Variants in EXOC6B observed in about 807,000 individuals in gnomAD.
EXOC6B encodes the protein SEC15 homolog B.
Under a neutral mutation model 113.5 loss-of-function variants are expected in EXOC6B, and 54 were observed. The observed-to-expected ratio is 0.48, with a 90% CI of 0.38 to 0.60. The LOEUF is 0.60. Among genes scored for constraint, EXOC6B ranks in the 20% least tolerant of loss-of-function variants. The probability of loss-of-function intolerance (pLI) is 0.00; values close to 1 mark genes in which losing one functional copy is unlikely to be tolerated. For synonymous variants in EXOC6B, 357 were observed against 339.0 expected (o/e 1.05, Z -0.58); for missense variants, 797 against 977.5 (o/e 0.82, Z 2.46).
intron 6 of EXOC6B, among the ~76,000 whole-genome samples, chr2:72,671,697 A>AAAAAAG (rs1000556585): frequency 6.6e-6 from 1 of 151,282 alleles, no homozygotes; most frequent in South Asian, 2.1e-4. Context: ...AAACTCCGTC[A>AAAAAAG]AAAAAGAAAA....
chr2:72,445,465 T>C (rs1021567113), intron 18 of EXOC6B, among the ~76,000 whole-genome samples: 2 of 152,128 alleles, frequency 1.3e-5, no homozygotes, highest in Admixed American at 1.3e-4. Context: ...ATTTACTGTA[T>C]TGGTCTTTTT....
rs1007442529 is a variant in EXOC6B at position 72,459,145 on chromosome 2, A to G, written c.1980+6015T>C. ...ATAGAGGCAGAAAAGGCCTTTGACA[A>G]AATTCAACAACCTTCATGCTAAAAA... On this transcript the variant is annotated intron_variant, in intron 18 of 21. Transcript: ENST00000272427. Among the ~76,000 whole-genome samples the G allele has an allele frequency of 1.2e-4, 18 of 152,310 alleles. 1 individual carries two copies. Among genetic ancestry groups the G allele is most frequent in the African/African-American group, 3.8e-4 (16 of 41,572 alleles).
chr2:72,521,303 C>G (rs1384852796), intron 8 of EXOC6B, among the ~76,000 whole-genome samples: 1 of 152,160 alleles, frequency 6.6e-6, no homozygotes, highest in Non-Finnish European at 1.5e-5. Context: ...TGATCTTGGA[C>G]TTCTCAGCCT....
rs186438572 is a variant in EXOC6B at position 72,719,197 on chromosome 2, G to C, written c.465-890C>G. ...TCATGAAAACCAGCAGCTTTCCTGA[G>C]ATGAGGGGCTGACACAATTTGGAGC... On this transcript the variant is annotated intron_variant, in intron 5 of 21. Transcript: ENST00000272427. 1.5e-3 allele frequency among the ~76,000 whole-genome samples: 229 copies of C among 152,252 alleles called. 4 individuals carry two copies. The highest frequency in any genetic ancestry group is 4.0e-4 in the Non-Finnish European group (27 of 68,028).
intron 11 of EXOC6B, among the ~76,000 whole-genome samples, chr2:72,510,904 A>G (rs1700859949): frequency 6.6e-6 from 1 of 152,074 alleles, no homozygotes; most frequent in South Asian, 2.1e-4. Flanking sequence ...GTGGTTGTAA[A>G]CATATAAATG....
chr2:72,800,675 G>A (rs1685225692), intron 1 of EXOC6B, among the ~76,000 whole-genome samples: 1 of 152,086 alleles, frequency 6.6e-6, no homozygotes. Flanking sequence ...ACTCACCCAA[G>A]GTCACACAGT....
chr2:72,782,026 G>A (rs558102090), intron 1 of EXOC6B, among the ~76,000 whole-genome samples: 225 of 151,424 alleles, frequency 1.5e-3, no homozygotes, highest in African/African-American at 5.3e-3. Context: ...TGTAATCCCA[G>A]CTACTCAAGA....
At chr2:72,658,286 T>TAAAAAAAAAA (rs60572283) in intron 6 of EXOC6B, among the ~76,000 whole-genome samples, 4 of 58,726 alleles carry the variant, frequency 6.8e-5, no homozygotes, top group Non-Finnish European at 1.3e-4. Context: ...TAAAAACTAG[T>TAAAAAAAAAA]AAAAAAAAAA....
chr2:72,369,006 T>C (rs1424212348), intron 19 of EXOC6B, among the ~76,000 whole-genome samples: 1 of 152,186 alleles, frequency 6.6e-6, no homozygotes, highest in Non-Finnish European at 1.5e-5. Flanking sequence ...TGTTGGAAGT[T>C]CTGGCCAGGG....
intron 19 of EXOC6B, among the ~76,000 whole-genome samples, chr2:72,354,828 G>A (rs773393203): frequency 1.3e-5 from 2 of 152,204 alleles, no homozygotes; most frequent in Non-Finnish European, 2.9e-5. Flanking sequence ...AGCCTTGTAG[G>A]CATGGTCAGA....
intron 8 of EXOC6B, among the ~76,000 whole-genome samples, chr2:72,539,233 C>G (rs571241458): frequency 1.3e-5 from 2 of 152,284 alleles, no homozygotes; most frequent in East Asian, 3.9e-4. Context: ...ATCTAACATA[C>G]TTCTTCTGCC....
chr2:72,428,790 T>A (rs1695358312), intron 18 of EXOC6B, among the ~76,000 whole-genome samples: 1 of 152,298 alleles, frequency 6.6e-6, no homozygotes, highest in East Asian at 1.9e-4. Context: ...GGAGCCAAGG[T>A]CACTGCTATT....
At chr2:72,191,364 A>T (rs548557940) in intron 20 of EXOC6B, among the ~76,000 whole-genome samples, 1 of 152,176 alleles carries the variant, frequency 6.6e-6, no homozygotes, top group African/African-American at 2.4e-5. Flanking sequence ...TTCTGATTTC[A>T]TGGAGGGTGG....
At chr2:72,301,829 T>C (rs1686552108) in intron 20 of EXOC6B, among the ~76,000 whole-genome samples, 1 of 152,218 alleles carries the variant, frequency 6.6e-6, no homozygotes, top group African/African-American at 2.4e-5. Flanking sequence ...TTTTTGTGTC[T>C]TGATTTCCTT....
At chr2:72,445,036 T>A (rs1696477388) in intron 18 of EXOC6B, among the ~76,000 whole-genome samples, 1 of 152,212 alleles carries the variant, frequency 6.6e-6, no homozygotes, top group Non-Finnish European at 1.5e-5. Flanking sequence ...ATGCTCTGTA[T>A]CCCTTTTAAA....
chr2:72,362,638 G>A (rs565372978), intron 19 of EXOC6B, among the ~76,000 whole-genome samples: 52 of 152,186 alleles, frequency 3.4e-4, no homozygotes, highest in African/African-American at 1.1e-3. Flanking sequence ...CTCGTGGCTT[G>A]AATTATCATA....
intron 6 of EXOC6B, among the ~76,000 whole-genome samples, chr2:72,584,475 A>C (rs1346857364): frequency 6.6e-6 from 1 of 152,250 alleles, no homozygotes; most frequent in Admixed American, 6.5e-5. Flanking sequence ...TATCGTAAAT[A>C]TGTATGCACC....
At chr2:72,407,931 G>A (rs1420256352) in intron 18 of EXOC6B, among the ~76,000 whole-genome samples, 4 of 152,292 alleles carry the variant, frequency 2.6e-5, no homozygotes, top group South Asian at 2.1e-4. Flanking sequence ...AATTGTCCCT[G>A]TTTGCAGATG....
Position 72,490,492 on chromosome 2 carries a change from A to G in EXOC6B, c.1665+1826T>C, listed in dbSNP as rs559204190. Among the ~76,000 whole-genome samples the G allele has an allele frequency of 3.9e-5, 6 of 152,284 alleles. No homozygotes were observed. The East Asian group carries it at 1.2e-3, about 29-fold the overall frequency. ...CATAAAGGATGTGTCTTCTCTTTCC[A>G]AAGGTAGGTAGTATAATTATTCAAA... On this transcript the variant is annotated intron_variant, in intron 16 of 21. Coordinates refer to ENST00000272427, the MANE Select transcript of EXOC6B (RefSeq NM_015189.3).
Sources: allele counts gnomAD v4.1 joint callset (sites outside exome capture counted in the v4.1 genomes callset), GRCh38; gene constraint gnomAD v4.1.1; transcripts MANE v1.5; gene names NCBI Gene and HGNC (gene_info 2026-07-23, HGNC 2026-07-21).